Variants in DCUN1D4 observed in about 807,000 individuals in gnomAD.
DCUN1D4 encodes the protein defective in cullin neddylation 1 domain containing 4.
DCUN1D4 carries 22 observed loss-of-function variants against 47.9 expected under a neutral mutation model. That is an observed-to-expected ratio of 0.46 (90% CI 0.33 to 0.66). The LOEUF (loss-of-function observed/expected upper bound fraction) is 0.66. Among genes scored for constraint, DCUN1D4 ranks in the 30% least tolerant of loss-of-function variants. The pLI, the probability that DCUN1D4 is intolerant of heterozygous loss-of-function variation, is 0.02. For synonymous variants in DCUN1D4, 121 were observed against 112.2 expected (o/e 1.08, Z -0.50); for missense variants, 301 against 340.8 (o/e 0.88, Z 0.92).
intron 7 of DCUN1D4, among the ~76,000 whole-genome samples, chr4:51,895,849 A>G (rs922923491): frequency 2.0e-5 from 3 of 152,180 alleles, no homozygotes; most frequent in African/African-American, 7.2e-5. Context: ...TGACTTCTAC[A>G]CATTTTTTTA....
At chr4:51,868,985 G>T (rs1481561470) in intron 3 of DCUN1D4, among the ~76,000 whole-genome samples, 1 of 151,994 alleles carries the variant, frequency 6.6e-6, no homozygotes, top group African/African-American at 2.4e-5. Context: ...GGGCATGGTG[G>T]TGCATGCCTA....
intron 6 of DCUN1D4, among the ~76,000 whole-genome samples, chr4:51,889,726 T>C (rs1352046383): frequency 6.6e-6 from 1 of 152,204 alleles, no homozygotes; most frequent in Non-Finnish European, 1.5e-5. Flanking sequence ...GGTAAATCGA[T>C]ATACAAGAGT....
At chr4:51,836,105 A>G in the DCUN1D4 span, among the ~76,000 whole-genome samples, 1 of 152,198 alleles carries the variant, frequency 6.6e-6, no homozygotes, top group Admixed American at 6.5e-5. Flanking sequence ...TCTCTCACTA[A>G]CAAAATTACT....
At chr4:51,890,885 A>G (rs1481684025) in intron 6 of DCUN1D4, among the ~76,000 whole-genome samples, 1 of 152,230 alleles carries the variant, frequency 6.6e-6, no homozygotes, top group African/African-American at 2.4e-5. Flanking sequence ...AGGAAAAAGT[A>G]GTAAGCAGTG....
Position 51,863,277 on chromosome 4 carries a change from A to G in DCUN1D4, c.26-160A>G, listed in dbSNP as rs559537923. 1.9e-4 allele frequency among the ~76,000 whole-genome samples: 29 copies of G among 152,266 alleles called. No homozygotes were observed. The East Asian group carries it at 2.5e-3, about 13-fold the overall frequency. Reference sequence around the variant, plus strand: ...GGGAATTTAACTTTATTGTCAGACTATTTCTAGGAGGTCACTAATTGCATG... The same window carrying G: ...GGGAATTTAACTTTATTGTCAGACTGTTTCTAGGAGGTCACTAATTGCATG... On this transcript the variant is annotated intron_variant, in intron 1 of 10. Transcript: ENST00000334635.
intron 7 of DCUN1D4, among the ~76,000 whole-genome samples, chr4:51,892,140 C>T (rs945704429): frequency 1.3e-5 from 2 of 152,170 alleles, no homozygotes; most frequent in Admixed American, 6.5e-5. Context: ...AGAAAGCCAC[C>T]TCTATGTAAC....
At chr4:51,886,952 G>A (rs7665231) in intron 6 of DCUN1D4, 152,453 of 421,502 alleles carry the variant, frequency 0.36, 32,682 homozygotes, top group African/African-American at 0.71. Flanking sequence ...CACATTGTAC[G>A]CTGTGTACCT....
At chr4:51,848,942 C>G (rs1209399396) in intron 1 of DCUN1D4, among the ~76,000 whole-genome samples, 4 of 152,202 alleles carry the variant, frequency 2.6e-5, no homozygotes, top group African/African-American at 9.6e-5. Context: ...GTTCTGCCTT[C>G]GAGGATTTTT....
chr4:51,887,202 G>A (rs1435603521), intron 6 of DCUN1D4: 1 of 425,842 alleles, frequency 2.3e-6, no homozygotes. Context: ...CCGGGTTGAA[G>A]CGATTTCCCC....
At chr4:51,834,701 G>A in the DCUN1D4 span, among the ~76,000 whole-genome samples, 1 of 152,102 alleles carries the variant, frequency 6.6e-6, no homozygotes, top group Non-Finnish European at 1.5e-5. Context: ...CTGTCCAGGA[G>A]GGCCACCCAC....
intron 7 of DCUN1D4, among the ~76,000 whole-genome samples, chr4:51,892,877 T>C (rs574739058): frequency 6.6e-6 from 1 of 152,374 alleles, no homozygotes; most frequent in South Asian, 2.1e-4. Context: ...ATAATAGATC[T>C]TGATTTTTAC....
At chr4:51,847,783 A>G (rs930723224) in intron 1 of DCUN1D4, among the ~76,000 whole-genome samples, 2 of 151,548 alleles carry the variant, frequency 1.3e-5, no homozygotes, top group Non-Finnish European at 2.9e-5. Flanking sequence ...CTGTTTTAGA[A>G]TTTTTCTTTA....
chr4:51,853,022 G>C (rs888086129), intron 1 of DCUN1D4, among the ~76,000 whole-genome samples: 1 of 152,232 alleles, frequency 6.6e-6, no homozygotes, highest in Non-Finnish European at 1.5e-5. Context: ...CTCACCTTCA[G>C]TGGGTAGGTG....
intron 8 of DCUN1D4, among the ~76,000 whole-genome samples, chr4:51,900,224 G>T (rs575568769): frequency 4.7e-5 from 7 of 149,026 alleles, no homozygotes; most frequent in Non-Finnish European, 1.0e-4. Flanking sequence ...TACTCTCTTT[G>T]GCTCTGCCAG....
At chr4:51,836,040 G>GT in the DCUN1D4 span, among the ~76,000 whole-genome samples, 1 of 152,150 alleles carries the variant, frequency 6.6e-6, no homozygotes, top group African/African-American at 2.4e-5. Flanking sequence ...CATCATTTGA[G>GT]TGCAGGCTCA....
At chr4:51,844,996 A>C (rs920617831) in intron 1 of DCUN1D4, 3 of 985,406 alleles carry the variant, frequency 3.0e-6, no homozygotes, top group Non-Finnish European at 3.6e-6. Context: ...GGGAGAGCCC[A>C]CGCCAGGCGC....
intron 1 of DCUN1D4, chr4:51,843,503 G>C (rs1247729731): frequency 3.1e-6 from 4 of 1,291,792 alleles, no homozygotes; most frequent in Non-Finnish European, 3.9e-6. Context: ...GGTGAGGGGG[G>C]TGGGGACTGG....
chr4:51,857,124 G>A lies in DCUN1D4; in HGVS notation c.26-6313G>A, dbSNP rs182494107. Among the ~76,000 whole-genome samples the A allele has an allele frequency of 3.0e-4, 45 of 152,296 alleles. 1 individual carries two copies. The highest frequency in any genetic ancestry group is 2.7e-3 in the Admixed American group (41 of 15,298). On this transcript the variant is annotated intron_variant, in intron 1 of 10. Coordinates refer to ENST00000334635, the MANE Select transcript of DCUN1D4 (RefSeq NM_001040402.3). The stretch of plus-strand genomic sequence containing the variant: ...AGTGACTATTCATGTGTCATGTCTC[G>A]TGCTCATTAAGTAGAAGGGAGGGTG...
chr4:51,843,654 G>A, intron 1 of DCUN1D4: 1 of 1,244,354 alleles, frequency 8.0e-7, no homozygotes, highest in Non-Finnish European at 1.0e-6. Context: ...CACCGGCGGG[G>A]AGAGGGAGGG....
Sources: gnomAD v4.1 joint callset for allele counts (sites outside exome capture counted in the v4.1 genomes callset) on GRCh38, gnomAD v4.1.1 for gene constraint, MANE v1.5 for transcripts, NCBI Gene and HGNC (gene_info 2026-07-23, HGNC 2026-07-21) for gene names.